CEP128: variants seen among roughly 807,000 people sequenced by gnomAD.
CEP128 encodes the protein centrosomal protein 128, also known as centrosomal protein 128kDa.
CEP128 carries 132 observed loss-of-function variants against 156.7 expected under a neutral mutation model. The ratio of observed to expected loss-of-function variants is 0.84; its 90% CI spans 0.73 to 0.97. The LOEUF is 0.97. Among genes scored for constraint, CEP128 ranks in the 50% least tolerant of loss-of-function variants. The pLI is 0.00. For missense variants in CEP128, 1,252 were observed against 1,281.9 expected (o/e 0.98, Z 0.36); for synonymous variants, 469 against 448.9 (o/e 1.04, Z -0.57).
At chr14:80,942,023 T>C (rs768162639), upstream of CEP128, among the ~76,000 whole-genome samples, 15 of 151,984 alleles carry the variant, frequency 9.9e-5, no homozygotes, top group Non-Finnish European at 2.2e-4. Context: ...ATAAAAATGC[T>C]TCCTTGGCCT....
At chr14:80,665,087 C>T (rs1326864932) in intron 19 of CEP128, among the ~76,000 whole-genome samples, 3 of 152,110 alleles carry the variant, frequency 2.0e-5, no homozygotes, top group East Asian at 3.9e-4. Flanking sequence ...AATGCTGATT[C>T]TAAGAATTAT....
At chr14:80,869,490 A>G (rs1887925605) in intron 8 of CEP128, among the ~76,000 whole-genome samples, 1 of 152,068 alleles carries the variant, frequency 6.6e-6, no homozygotes, top group Non-Finnish European at 1.5e-5. Flanking sequence ...AAATGCCTAC[A>G]TTTAGAAAAA....
chr14:80,848,517 T>A (rs1595493178), intron 9 of CEP128, among the ~76,000 whole-genome samples: 1 of 152,142 alleles, frequency 6.6e-6, no homozygotes, highest in East Asian at 1.9e-4. Flanking sequence ...AAAAATTAGC[T>A]GGGTGTCTTG....
chr14:80,839,053 C>T (rs1886225855), intron 10 of CEP128, among the ~76,000 whole-genome samples: 1 of 152,066 alleles, frequency 6.6e-6, no homozygotes, highest in African/African-American at 2.4e-5. Context: ...GAGCCGAAAT[C>T]GCGCCACTGC....
intron 19 of CEP128, among the ~76,000 whole-genome samples, chr14:80,612,525 C>T (rs866256704): frequency 4.6e-5 from 7 of 152,068 alleles, no homozygotes; most frequent in Admixed American, 1.3e-4. Flanking sequence ...TCAAAGTTAA[C>T]CAGAATTTCA....
chr14:80,537,760 T>G (rs979100471), intron 21 of CEP128, among the ~76,000 whole-genome samples: 1 of 152,098 alleles, frequency 6.6e-6, no homozygotes, highest in Non-Finnish European at 1.5e-5. Flanking sequence ...GTTTAGCAAT[T>G]TTTGCTATGG....
At position 80,840,882 on chromosome 14, in the gene CEP128, A is replaced by G. The variant is rs555537038; in HGVS notation, c.763-114T>C. The G allele has an allele frequency of 1.8e-4, 117 of 665,094 alleles. No homozygotes were observed. In the African/African-American group the frequency reaches 2.0e-3, roughly 11 times the overall value. The allele number at this position is 665,094 out of a possible 1,614,324, so 41.2% of individuals were successfully genotyped here. On this transcript the variant is annotated intron_variant, in intron 9 of 24. Transcript: ENST00000555265. ...GAAGACATGGATATGAGTTACACAA[A>G]ATCTATAAATTACAGTCTGCTCATA...
At chr14:80,808,026 C>T (rs752634557) in intron 13 of CEP128, among the ~76,000 whole-genome samples, 2 of 152,186 alleles carry the variant, frequency 1.3e-5, no homozygotes, top group Non-Finnish European at 2.9e-5. Context: ...GATACCAAGG[C>T]AAGCACCTTC....
At chr14:80,704,241 G>A (rs1358853444) in intron 19 of CEP128, among the ~76,000 whole-genome samples, 1 of 152,012 alleles carries the variant, frequency 6.6e-6, no homozygotes, top group African/African-American at 2.4e-5. Context: ...TAAGCAGCCA[G>A]TATTCATTTG....
intron 9 of CEP128, among the ~76,000 whole-genome samples, chr14:80,848,025 G>T (rs2140107073): frequency 6.6e-6 from 1 of 152,218 alleles, no homozygotes; most frequent in South Asian, 2.1e-4. Context: ...CTGGTACTGG[G>T]GATGCAGCAA....
At position 80,893,768 on chromosome 14, in the gene CEP128, C is replaced by T. The variant is rs375045327; in HGVS notation, c.645+1950G>A. Among the ~76,000 whole-genome samples, 5 of 151,798 alleles carry T rather than the reference C, an allele frequency of 3.3e-5. No homozygotes were observed. The East Asian group carries it at 9.6e-4, about 29-fold the overall frequency. On this transcript the variant is annotated intron_variant, in intron 8 of 24. Coordinates refer to ENST00000555265, the MANE Select transcript of CEP128 (RefSeq NM_152446.5). ...TATCTTGGAGTTACTCTATCCCTATCACAACTAAATATAAAGCAACAGTAA... is the reference window on the plus strand; with the variant it reads ...TATCTTGGAGTTACTCTATCCCTATTACAACTAAATATAAAGCAACAGTAA...
At chr14:80,580,241 CA>C in intron 20 of CEP128, 132 bp downstream of exon 20, 1 of 555,996 alleles carries the variant, frequency 1.8e-6, no homozygotes. Context: ...AAGCAAATTC[CA>C]ACTTTATAGT....
intron 16 of CEP128, among the ~76,000 whole-genome samples, chr14:80,770,867 T>C (rs1011841315): frequency 6.6e-6 from 1 of 152,202 alleles, no homozygotes; most frequent in African/African-American, 2.4e-5. Flanking sequence ...CTCATTTGCT[T>C]CTATTTTTCT....
chr14:80,492,064 T>A (rs1227447179), downstream of CEP128, among the ~76,000 whole-genome samples: 1 of 152,140 alleles, frequency 6.6e-6, no homozygotes, highest in Non-Finnish European at 1.5e-5. Context: ...TATGATCTGA[T>A]AATAGCTGGC....
intron 14 of CEP128, chr14:80,478,415 A>T (rs907243417): frequency 5.3e-5 from 8 of 152,166 alleles, no homozygotes; most frequent in Admixed American, 5.2e-4. Flanking sequence ...CCTCTATGAG[A>T]GACAGAAAAA....
At chr14:80,785,726 A>G (rs1901375335) in intron 14 of CEP128, among the ~76,000 whole-genome samples, 181 bp from the exon 15 acceptor site, 1 of 151,958 alleles carries the variant, frequency 6.6e-6, no homozygotes, top group Non-Finnish European at 1.5e-5. Flanking sequence ...GGTGGGGGGG[A>G]ATATATAATT....
intron 14 of CEP128, among the ~76,000 whole-genome samples, chr14:80,482,093 G>C (rs564424372): frequency 6.6e-6 from 1 of 152,038 alleles, no homozygotes; most frequent in Non-Finnish European, 1.5e-5. Context: ...ATGAAGACAG[G>C]AGTTAAGAGA....
At chr14:80,766,411 T>C (rs531967762) in intron 16 of CEP128, among the ~76,000 whole-genome samples, 24 of 152,348 alleles carry the variant, frequency 1.6e-4, no homozygotes, top group African/African-American at 5.5e-4. Context: ...GTTGTAATTA[T>C]AGATTTATGT....
intron 19 of CEP128, among the ~76,000 whole-genome samples, chr14:80,667,535 A>G (rs1249569674): frequency 6.6e-6 from 1 of 152,184 alleles, no homozygotes; most frequent in Non-Finnish European, 1.5e-5. Context: ...AAATGCTAAA[A>G]AGTCAGCCAA....
Sources: allele counts gnomAD v4.1 joint callset (sites outside exome capture counted in the v4.1 genomes callset), GRCh38; gene constraint gnomAD v4.1.1; transcripts MANE v1.5; gene names NCBI Gene and HGNC (gene_info 2026-07-23, HGNC 2026-07-21).